Variants in SLC9A3 observed in about 807,000 individuals in gnomAD.
SLC9A3 encodes the protein sodium/hydrogen exchanger 3.
A neutral mutation model predicts 86.8 loss-of-function variants in SLC9A3; 37 were observed. That is an observed-to-expected ratio of 0.43 (90% CI 0.33 to 0.56). The LOEUF (loss-of-function observed/expected upper bound fraction) is 0.56. SLC9A3 is among the 20% of genes least tolerant of loss of function. The probability of loss-of-function intolerance (pLI) is 0.06; values close to 1 mark genes in which losing one functional copy is unlikely to be tolerated. For missense variants in SLC9A3, 1,011 were observed against 1,171.9 expected (o/e 0.86, Z 2.00); for synonymous variants, 581 against 528.3 (o/e 1.10, Z -1.37).
At chr5:500,942 C>T (rs564676193) in intron 1 of SLC9A3, among the ~76,000 whole-genome samples, 1 of 94,478 alleles carries the variant, frequency 1.1e-5, no homozygotes, top group East Asian at 3.2e-4. Flanking sequence ...GTGGACAGGG[C>T]CAGGCCCTGA....
chr5:492,365 G>C (rs1303153286), intron 1 of SLC9A3, among the ~76,000 whole-genome samples: 75 of 50,688 alleles, frequency 1.5e-3, no homozygotes, highest in Non-Finnish European at 2.2e-3. Context: ...TGGGGGAGGG[G>C]AGGGAGGTAG....
In SLC9A3 at chr5:475,048, T is replaced by C; in HGVS notation, c.2336A>G (p.Glu779Gly). Residue 779 changes from glutamate to glycine, a missense_variant, in exon 16 of 17, where the codon GAG becomes GGG. Glu to Gly is a moderately conservative substitution (Grantham distance 98). Transcript: ENST00000264938. ...ARLPPWLSPG[E>G]TVVPSQRART... The stretch of plus-strand genomic sequence containing the variant: ...GGCCCTCTGCGAGGGGACCACCGTC[T>C]CCCCGGGAGACAGCCAGGGCGGCAG... 6.2e-7 allele frequency: 1 copy of C among 1,612,062 alleles called. No individual in the cohort carries two copies. Among genetic ancestry groups the C allele is most frequent in the East Asian group, 2.2e-5 (1 of 44,812 alleles).
intron 9 of SLC9A3, among the ~76,000 whole-genome samples, 189 bp downstream of exon 9, chr5:481,376 C>T (rs374045003): frequency 3.9e-5 from 6 of 152,300 alleles, no homozygotes; most frequent in South Asian, 4.1e-4. Context: ...CAACTGCTGC[C>T]GCCAACTCCT....
chr5:476,237 C>T lies in SLC9A3; in HGVS notation c.2032G>A (p.Ala678Thr), dbSNP rs532462442. The T allele has an allele frequency of 3.4e-5, 55 of 1,613,956 alleles. No individual in the cohort carries two copies. The South Asian group carries it at 4.8e-4, about 14-fold the overall frequency. Residue 678 changes from alanine to threonine, a missense_variant, in exon 13 of 17, where the codon GCC becomes ACC. Coordinates refer to ENST00000264938, the MANE Select transcript of SLC9A3 (RefSeq NM_004174.4). The stretch of plus-strand genomic sequence containing the variant: ...GCACGCTCCCGCTTGTACAGCTTGG[C>T]CGCCTTCTTGTTCTGGTTGAGCCCC... ...KLGLNQNKKA[A>T]KLYKRERAQK...
chr5:487,754 G>A (rs1003475462), intron 3 of SLC9A3, among the ~76,000 whole-genome samples: 3 of 152,170 alleles, frequency 2.0e-5, no homozygotes, highest in African/African-American at 7.2e-5. Context: ...TGCAACCTCT[G>A]CCTCCTGGTT....
At chr5:501,591 C>A (rs1408350067) in intron 1 of SLC9A3, among the ~76,000 whole-genome samples, 1 of 152,170 alleles carries the variant, frequency 6.6e-6, no homozygotes, top group Non-Finnish European at 1.5e-5. Flanking sequence ...CGTGCAGAGA[C>A]ACACAGAGGA....
At chr5:513,368 G>A (rs572774808) in intron 1 of SLC9A3, among the ~76,000 whole-genome samples, 23 of 152,312 alleles carry the variant, frequency 1.5e-4, no homozygotes, top group Admixed American at 1.0e-3. Flanking sequence ...TGGCACAGCC[G>A]CTGTGCCGGG....
rs1453081040 is a variant in SLC9A3 at position 522,750 on chromosome 5, A to G, written c.211+1362T>C. Among the ~76,000 whole-genome samples the G allele has an allele frequency of 2.0e-5, 3 of 151,884 alleles. No homozygotes were observed. In the East Asian group the frequency reaches 5.8e-4, roughly 29 times the overall value. ...GCAAAATTCTATCTCAAAAAAAAAA[A>G]AAAAAGAAAAAAAAAGAAATTACCT... is the stretch of plus-strand genomic sequence containing the variant. On this transcript the variant is annotated intron_variant, in intron 1 of 16. Transcript: ENST00000264938.
At chr5:494,860 G>C (rs1436959280) in intron 1 of SLC9A3, among the ~76,000 whole-genome samples, 1 of 152,214 alleles carries the variant, frequency 6.6e-6, no homozygotes, top group Non-Finnish European at 1.5e-5. Flanking sequence ...CCAGGCCGCT[G>C]TTTTCTACAC....
intron 3 of SLC9A3, among the ~76,000 whole-genome samples, chr5:486,629 C>T (rs915566211): frequency 6.6e-6 from 1 of 152,154 alleles, no homozygotes; most frequent in African/African-American, 2.4e-5. Context: ...CCAAATTGTG[C>T]CCCCGAAATT....
At position 476,729 on chromosome 5, in the gene SLC9A3, C is replaced by T. The variant is rs543580845; in HGVS notation, c.1761-57G>A. ...CTCCCTCAGGGTGGGGTCTCTTGCGCGCCCCTCGCCTTCCCACGGCGGGCA... is the reference window on the plus strand; with the variant it reads ...CTCCCTCAGGGTGGGGTCTCTTGCGTGCCCCTCGCCTTCCCACGGCGGGCA... On this transcript the variant is annotated intron_variant, in intron 11 of 16. Transcript: ENST00000264938. The T allele has an allele frequency of 1.1e-4, 170 of 1,580,592 alleles. 1 individual carries two copies. The South Asian group carries it at 1.1e-3, about 10-fold the overall frequency.
rs533686560 is a variant in SLC9A3, at chr5:470,695, CAT to C, written c.*2682_*2683del. 4.2e-4 allele frequency: 64 copies of C among 152,324 alleles called. 1 individual carries two copies. The Middle Eastern group carries it at 0.01, about 24-fold the overall frequency. The allele number at this position is 152,324 out of a possible 1,614,324, so 9.4% of individuals were successfully genotyped here. A position where few individuals can be genotyped will look rare whatever the true frequency, so the allele number is the denominator to read the frequency against. ...AAAATTAACATACACAATTTTCACT[CAT>C]AATTTAAAATATTTTGATGAAATTC... On this transcript the variant is annotated 3_prime_UTR_variant, in exon 17 of 17. Coordinates refer to ENST00000264938, the MANE Select transcript of SLC9A3 (RefSeq NM_004174.4).
chr5:510,806 G>A (rs1442953700), intron 1 of SLC9A3, among the ~76,000 whole-genome samples: 4 of 152,158 alleles, frequency 2.6e-5, no homozygotes, highest in African/African-American at 9.7e-5. Flanking sequence ...GGGCTGCTGG[G>A]TGCAGGGGTG....
chr5:524,095 A>AC lies in SLC9A3; in HGVS notation c.211+16dup. 1 of 1,464,104 alleles carries AC rather than the reference A, an allele frequency of 6.8e-7. No individual in the cohort carries two copies. The highest frequency in any genetic ancestry group is 9.1e-7 in the Non-Finnish European group (1 of 1,098,092). The allele number at this position is 1,464,104 out of a possible 1,614,324, so 90.7% of individuals were successfully genotyped here. On this transcript the variant is annotated intron_variant, in intron 1 of 16. Coordinates refer to ENST00000264938, the MANE Select transcript of SLC9A3 (RefSeq NM_004174.4). ...GCACACCCCGCGGGCAGATCCGGAGACCCCGGGGCCACTTACCGATCTTGG... is the reference window on the plus strand; with the variant it reads ...GCACACCCCGCGGGCAGATCCGGAGACCCCCGGGGCCACTTACCGATCTTGG...
At chr5:481,510 G>A (rs1454242568) in intron 9 of SLC9A3, 55 bp downstream of exon 9, 19 of 1,407,436 alleles carry the variant, frequency 1.3e-5, no homozygotes, top group Non-Finnish European at 1.8e-5. Flanking sequence ...CCGAGTGGAG[G>A]ATGTTTCCAG....
intron 10 of SLC9A3, 197 bp downstream of exon 10, chr5:479,639 C>T (rs565811254): frequency 2.2e-5 from 13 of 583,114 alleles, no homozygotes; most frequent in African/African-American, 1.7e-4. Flanking sequence ...CACCAGGACT[C>T]TGTGACTCAG....
At position 491,300 on chromosome 5, in the gene SLC9A3, C is replaced by A. The variant is rs1030305553; in HGVS notation, c.514+469G>T. Among the ~76,000 whole-genome samples the A allele has an allele frequency of 2.0e-5, 3 of 152,100 alleles. No homozygotes were observed. The highest frequency in any genetic ancestry group is 7.2e-5 in the African/African-American group (3 of 41,416). On this transcript the variant is annotated intron_variant, in intron 2 of 16. Coordinates refer to ENST00000264938, the MANE Select transcript of SLC9A3 (RefSeq NM_004174.4). This position sits in a 1 kb window ranked among gnomAD's most constrained non-coding sequence, Gnocchi z 9.2. ...TGGGTCCGGGGCGGGAGGCAGTGCC[C>A]GAGAGATGAAGCATCCAAGACCAAA...
intron 10 of SLC9A3, chr5:477,858 C>T (rs1001774333): frequency 3.0e-5 from 5 of 164,240 alleles, no homozygotes; most frequent in South Asian, 1.6e-4. Flanking sequence ...AGGTAGAGAA[C>T]GGAGCAGAGC....
chr5:511,821 A>G (rs140232481), intron 1 of SLC9A3, among the ~76,000 whole-genome samples: 13 of 152,366 alleles, frequency 8.5e-5, no homozygotes, highest in Middle Eastern at 3.4e-3. Flanking sequence ...AAGCCTGCAC[A>G]TGGAGGTTTA....
Sources: allele counts gnomAD v4.1 joint callset (sites outside exome capture counted in the v4.1 genomes callset), GRCh38; gene constraint gnomAD v4.1.1; non-coding constraint Gnocchi (gnomAD v3.1); transcripts MANE v1.5; gene names NCBI Gene and HGNC (gene_info 2026-07-23, HGNC 2026-07-21).